CTNNA3: variants seen among roughly 807,000 people sequenced by gnomAD.
CTNNA3 encodes catenin alpha-3.
CTNNA3 carries 76 observed loss-of-function variants against 95.7 expected under a neutral mutation model. That is an observed-to-expected ratio of 0.79 (90% CI 0.66 to 0.96). CTNNA3 has a LOEUF of 0.96. Among genes scored for constraint, CTNNA3 ranks in the 40% least tolerant of loss-of-function variants. The probability of loss-of-function intolerance (pLI) is 0.00; values close to 1 mark genes in which losing one functional copy is unlikely to be tolerated. For missense variants in CTNNA3, 1,191 were observed against 1,089.8 expected, an observed-to-expected ratio of 1.09 and a Z score of -1.31; for synonymous variants, 431 against 374.4, an observed-to-expected ratio of 1.15 and a Z score of -1.74.
intron 15 of CTNNA3, among the ~76,000 whole-genome samples, chr10:65,995,996 G>A (rs191093431): frequency 6.6e-6 from 1 of 152,192 alleles, no homozygotes; most frequent in Non-Finnish European, 1.5e-5. Context: ...CCCTGGTAAA[G>A]TGCTGGGTGG....
intron 13 of CTNNA3, among the ~76,000 whole-genome samples, chr10:66,210,671 G>T (rs1267389066): frequency 6.6e-6 from 1 of 151,968 alleles, no homozygotes; most frequent in Non-Finnish European, 1.5e-5. Context: ...AAATAAAATA[G>T]CATAATATGT....
intron 9 of CTNNA3, among the ~76,000 whole-genome samples, chr10:66,728,733 G>A (rs1263059715): frequency 6.6e-6 from 1 of 152,064 alleles, no homozygotes; most frequent in Non-Finnish European, 1.5e-5. Flanking sequence ...AATTATAGGT[G>A]TGTGCAACCA....
chr10:66,445,493 C>CA (rs1490446144), intron 11 of CTNNA3, among the ~76,000 whole-genome samples: 3 of 152,088 alleles, frequency 2.0e-5, no homozygotes, highest in Non-Finnish European at 4.4e-5. Context: ...ACAGTGCAAT[C>CA]AAACTAGAAG....
intron 5 of CTNNA3, among the ~76,000 whole-genome samples, chr10:67,247,928 T>C (rs1035505370): frequency 6.6e-6 from 1 of 152,184 alleles, no homozygotes; most frequent in African/African-American, 2.4e-5. Context: ...GACAGACATA[T>C]AGATCAATGT....
In CTNNA3 at chr10:67,571,442, G is replaced by A. The variant is rs552845374; in HGVS notation, c.293-31773C>T. 3.9e-5 allele frequency among the ~76,000 whole-genome samples: 6 copies of A among 152,246 alleles called. No homozygotes were observed. In the South Asian group the frequency reaches 8.3e-4, roughly 21 times the overall value. ...AAACTGTGATCCTTGGAAAACAAGT[G>A]TTTCTAGAAATGTTAAGAACTCTTC... On this transcript the variant is annotated intron_variant, in intron 3 of 17. Transcript: ENST00000433211.
intron 5 of CTNNA3, among the ~76,000 whole-genome samples, chr10:67,350,178 G>A (rs865776859): frequency 3.3e-5 from 5 of 152,066 alleles, no homozygotes; most frequent in East Asian, 1.9e-4. Context: ...CTCAGCTAGC[G>A]TGTGGCAGAG....
At position 65,939,054 on chromosome 10, in the gene CTNNA3, T is replaced by C. The variant is rs540485123; in HGVS notation, c.2401-18437A>G. On this transcript the variant is annotated intron_variant, in intron 17 of 17. Transcript: ENST00000433211. ...AGTAGCTGGGACTACAGGTGCCCGC[T>C]ACCATGCCTGGCTAATTTTTTTTGT... Among the ~76,000 whole-genome samples the C allele has an allele frequency of 5.6e-4, 85 of 152,048 alleles. 2 individuals carry two copies. The highest frequency in any genetic ancestry group is 2.0e-3 in the African/African-American group (82 of 41,532).
chr10:67,350,121 T>C (rs1012754914), intron 5 of CTNNA3, among the ~76,000 whole-genome samples: 1 of 152,068 alleles, frequency 6.6e-6, no homozygotes, highest in African/African-American at 2.4e-5. Flanking sequence ...CATGACCTAT[T>C]TGAAAATGAC....
At chr10:66,374,184 C>A (rs897143307) in intron 12 of CTNNA3, among the ~76,000 whole-genome samples, 1 of 152,090 alleles carries the variant, frequency 6.6e-6, no homozygotes, top group African/African-American at 2.4e-5. Context: ...TGGTGTCTGT[C>A]TTTAAGGACA....
intron 7 of CTNNA3, among the ~76,000 whole-genome samples, chr10:67,064,909 AG>A (rs1403529981): frequency 7.2e-5 from 11 of 152,204 alleles, no homozygotes; most frequent in African/African-American, 2.7e-4. Context: ...AGGAGAAAAA[AG>A]TTATATGAGG....
chr10:67,569,119 TTAGC>T (rs1050147036), intron 3 of CTNNA3, among the ~76,000 whole-genome samples: 1 of 152,156 alleles, frequency 6.6e-6, no homozygotes, highest in African/African-American at 2.4e-5. Flanking sequence ...GATGAGATAA[TTAGC>T]TACATTGCTT....
intron 3 of CTNNA3, among the ~76,000 whole-genome samples, chr10:67,573,810 T>C (rs182116258): frequency 2.4e-4 from 37 of 152,166 alleles, no homozygotes; most frequent in Non-Finnish European, 4.7e-4. Context: ...AAATATATTG[T>C]ACTATGTATC....
chr10:67,577,735 A>G (rs1306607715), intron 3 of CTNNA3, among the ~76,000 whole-genome samples: 2 of 150,294 alleles, frequency 1.3e-5, no homozygotes, highest in African/African-American at 4.9e-5. Context: ...TATATACTAC[A>G]TTTTCTTTAT....
chr10:67,396,238 A>C (rs1389055594), intron 5 of CTNNA3, among the ~76,000 whole-genome samples: 1 of 152,192 alleles, frequency 6.6e-6, no homozygotes, highest in Non-Finnish European at 1.5e-5. Flanking sequence ...ATATGAATCT[A>C]GAAAAATAGG....
chr10:67,467,435 C>G (rs1847639084), intron 5 of CTNNA3, among the ~76,000 whole-genome samples: 1 of 151,940 alleles, frequency 6.6e-6, no homozygotes, highest in Admixed American at 6.5e-5. Flanking sequence ...ACTTCGTTCT[C>G]TAATAGACTT....
At chr10:66,365,772 C>CTT in intron 12 of CTNNA3, among the ~76,000 whole-genome samples, 1 of 125,392 alleles carries the variant, frequency 8.0e-6, no homozygotes, top group Non-Finnish European at 1.9e-5. Context: ...CTCTCTCTCT[C>CTT]TCTCTCTCTC....
chr10:67,720,208 G>A (rs1303125847), intron 1 of CTNNA3, among the ~76,000 whole-genome samples: 1 of 136,942 alleles, frequency 7.3e-6, no homozygotes, highest in African/African-American at 2.8e-5. Context: ...GCCTATGTGT[G>A]TCTTTGCACG....
intron 15 of CTNNA3, among the ~76,000 whole-genome samples, chr10:66,014,887 G>A (rs2079064431): frequency 6.6e-6 from 1 of 152,032 alleles, no homozygotes; most frequent in African/African-American, 2.4e-5. Flanking sequence ...GGTGGATCAC[G>A]AGGTCAAGAG....
At chr10:67,244,526 T>C (rs781166305) in intron 5 of CTNNA3, among the ~76,000 whole-genome samples, 4 of 152,222 alleles carry the variant, frequency 2.6e-5, no homozygotes, top group Non-Finnish European at 5.9e-5. Flanking sequence ...AGTATTTATA[T>C]AGTGGAATTG....
Sources: gnomAD v4.1 joint callset for allele counts (sites outside exome capture counted in the v4.1 genomes callset) on GRCh38, gnomAD v4.1.1 for gene constraint, MANE v1.5 for transcripts, NCBI Gene and HGNC (gene_info 2026-07-23, HGNC 2026-07-21) for gene names.